The following DPYD variants were observed in gnomAD, a reference collection of about 807,000 sequenced individuals.
DPYD encodes dihydropyrimidine dehydrogenase, also known as dihydropyrimidine dehydrogenase [NADP(+)].
DPYD carries 109 observed loss-of-function variants against 116.2 expected under a neutral mutation model. That is an observed-to-expected ratio of 0.94 (90% CI 0.80 to 1.10). The LOEUF (loss-of-function observed/expected upper bound fraction) is 1.10. Among genes scored for constraint, DPYD ranks in the 50% least tolerant of loss-of-function variants. DPYD has a pLI of 0.00. For synonymous variants in DPYD, 440 were observed against 432.0 expected (o/e 1.02, Z -0.23); for missense variants, 1,302 against 1,254.5 (o/e 1.04, Z -0.57).
chr1:97,572,899 T>C (rs1220377279), intron 11 of DPYD, among the ~76,000 whole-genome samples: 1 of 152,000 alleles, frequency 6.6e-6, no homozygotes. Flanking sequence ...ACAAAAAATG[T>C]AATTTTAGCA....
At chr1:97,214,495 A>G (rs1423703753) in intron 19 of DPYD, among the ~76,000 whole-genome samples, 1 of 152,202 alleles carries the variant, frequency 6.6e-6, no homozygotes, top group Non-Finnish European at 1.5e-5. Flanking sequence ...TGAATATTCA[A>G]CCACGTTGGA....
chr1:97,310,363 T>C (rs954777104), intron 16 of DPYD, among the ~76,000 whole-genome samples: 6 of 151,798 alleles, frequency 4.0e-5, no homozygotes, highest in African/African-American at 1.4e-4. Flanking sequence ...TAAACCTTCA[T>C]CTTCTTTAGC....
Position 97,525,758 on chromosome 1 carries a change from TAGAGAGAG to T in DPYD, c.1525-9825_1525-9818del, listed in dbSNP as rs58098297. On this transcript the variant is annotated intron_variant, in intron 12 of 22. Transcript: ENST00000370192. Reference sequence around the variant, plus strand: ...AGAGTAAGTAATTGCCCTGGGTAATTAGAGAGAGAGAGAGAGAGAGAGAGAGAGAGAGT... The same window carrying T: ...AGAGTAAGTAATTGCCCTGGGTAATTAGAGAGAGAGAGAGAGAGAGAGAGT... Among the ~76,000 whole-genome samples, 878 of 108,734 alleles carry T rather than the reference TAGAGAGAG, an allele frequency of 8.1e-3. 10 individuals carry two copies. Among genetic ancestry groups the T allele is most frequent in the African/African-American group, 0.03 (831 of 27,504 alleles). The allele number at this position is 108,734 out of a possible 152,430, so 71.3% of individuals were successfully genotyped here. A position where few individuals can be genotyped will look rare whatever the true frequency, so the allele number is the denominator to read the frequency against.
Position 97,234,773 on chromosome 1 carries a change from A to G in DPYD, c.2442+79T>C, listed in dbSNP as rs1661793946. ...TTTCAAGAGGCCCAAAAACGAATCT[A>G]TTTTTTTTTTGTCACATAACTTACA... is the stretch of plus-strand genomic sequence containing the variant. On this transcript the variant is annotated intron_variant, in intron 19 of 22. Transcript: ENST00000370192. 9.5e-6 allele frequency: 13 copies of G among 1,367,658 alleles called. No homozygotes were observed. The South Asian group carries it at 1.3e-4, about 13-fold the overall frequency. The allele number at this position is 1,367,658 out of a possible 1,614,324, so 84.7% of individuals were successfully genotyped here. A position where few individuals can be genotyped will look rare whatever the true frequency, so the allele number is the denominator to read the frequency against.
intron 20 of DPYD, among the ~76,000 whole-genome samples, chr1:97,103,271 G>T (rs1382025021): frequency 6.6e-6 from 1 of 152,042 alleles, no homozygotes; most frequent in East Asian, 1.9e-4. Context: ...ACTTACATTT[G>T]ATGCTGATTT....
chr1:97,311,037 A>G (rs185777819), intron 16 of DPYD, among the ~76,000 whole-genome samples: 169 of 151,930 alleles, frequency 1.1e-3, no homozygotes, highest in Admixed American at 5.7e-3. Flanking sequence ...AGGAAAAACC[A>G]TGAGTATGGA....
At chr1:97,183,051 T>C (rs922770610) in intron 20 of DPYD, among the ~76,000 whole-genome samples, 1 of 152,018 alleles carries the variant, frequency 6.6e-6, no homozygotes, top group Non-Finnish European at 1.5e-5. Context: ...AATTCATCTA[T>C]TTTTTCTTGT....
At chr1:97,441,101 G>A (rs1286188041) in intron 14 of DPYD, among the ~76,000 whole-genome samples, 1 of 151,926 alleles carries the variant, frequency 6.6e-6, no homozygotes, top group African/African-American at 2.4e-5. Context: ...TTCTCTGGCT[G>A]CTTTTAAGAT....
At chr1:97,639,931 T>C (rs1009647896) in intron 8 of DPYD, among the ~76,000 whole-genome samples, 1 of 152,152 alleles carries the variant, frequency 6.6e-6, no homozygotes, top group Non-Finnish European at 1.5e-5. Context: ...TGATTAACAA[T>C]CTTGTGAAAG....
chr1:97,332,662 G>A (rs948265554), intron 16 of DPYD, among the ~76,000 whole-genome samples: 1 of 152,094 alleles, frequency 6.6e-6, no homozygotes, highest in African/African-American at 2.4e-5. Flanking sequence ...TTTGATTCCT[G>A]ACATAGTATG....
At chr1:97,235,487 G>A (rs560817786) in intron 18 of DPYD, among the ~76,000 whole-genome samples, 2 of 152,024 alleles carry the variant, frequency 1.3e-5, no homozygotes, top group Non-Finnish European at 2.9e-5. Context: ...AACCAGGCGT[G>A]GTGGCAGGCT....
At chr1:97,838,626 A>T (rs1252765292) in intron 2 of DPYD, among the ~76,000 whole-genome samples, 1 of 150,880 alleles carries the variant, frequency 6.6e-6, no homozygotes, top group African/African-American at 2.4e-5. Context: ...CGGGTGGATC[A>T]TGAGGTCAGG....
intron 8 of DPYD, among the ~76,000 whole-genome samples, chr1:97,641,613 G>A (rs1031275621): frequency 3.9e-5 from 6 of 152,058 alleles, no homozygotes; most frequent in Admixed American, 3.3e-4. Context: ...AATAATAAGA[G>A]CAGTTTATGA....
chr1:97,263,785 C>T (rs534281338), intron 18 of DPYD, among the ~76,000 whole-genome samples: 8 of 152,148 alleles, frequency 5.3e-5, no homozygotes, highest in South Asian at 2.1e-4. Context: ...TTTCACTGAA[C>T]CTGACAAAAC....
intron 3 of DPYD, among the ~76,000 whole-genome samples, chr1:97,756,524 G>A (rs568598373): frequency 2.6e-5 from 4 of 152,224 alleles, no homozygotes; most frequent in Non-Finnish European, 2.9e-5. Context: ...ACAGAAAGAA[G>A]AAGAGAAACT....
intron 3 of DPYD, among the ~76,000 whole-genome samples, chr1:97,776,658 T>TA (rs1228194399): frequency 6.6e-6 from 1 of 152,152 alleles, no homozygotes; most frequent in African/African-American, 2.4e-5. Flanking sequence ...ACAGACAATC[T>TA]AAAAAAGACA....
intron 19 of DPYD, among the ~76,000 whole-genome samples, chr1:97,229,190 C>T (rs181621656): frequency 1.8e-5 from 2 of 113,188 alleles, no homozygotes; most frequent in African/African-American, 6.9e-5. Context: ...GGCAACAGTG[C>T]GAGACTCCTT....
At chr1:97,884,994 G>T (rs1204041380) in intron 1 of DPYD, among the ~76,000 whole-genome samples, 4 of 151,856 alleles carry the variant, frequency 2.6e-5, no homozygotes, top group Admixed American at 2.0e-4. Context: ...TAAATGAAAT[G>T]CATGATACAA....
intron 10 of DPYD, among the ~76,000 whole-genome samples, chr1:97,582,883 T>C (rs1356623643): frequency 6.6e-6 from 1 of 152,234 alleles, no homozygotes; most frequent in Non-Finnish European, 1.5e-5. Context: ...ATATGCAATG[T>C]AAGGAATAAT....
Sources: allele counts gnomAD v4.1 joint callset (sites outside exome capture counted in the v4.1 genomes callset), GRCh38; gene constraint gnomAD v4.1.1; transcripts MANE v1.5; gene names NCBI Gene and HGNC (gene_info 2026-07-23, HGNC 2026-07-21).